ARRDC4: variants seen among roughly 807,000 people sequenced by gnomAD.
ARRDC4 encodes the protein arrestin domain containing 4, also known as arrestin domain-containing protein 4.
Under a neutral mutation model 44.6 loss-of-function variants are expected in ARRDC4, and 40 were observed. The ratio of observed to expected loss-of-function variants is 0.90; its 90% CI spans 0.70 to 1.17. The LOEUF is 1.17. Ranked by LOEUF, ARRDC4 falls within the 50% of genes most tolerant of loss-of-function variation. ARRDC4 has a pLI of 0.00. For synonymous variants in ARRDC4, 211 were observed against 221.2 expected (o/e 0.95, Z 0.41); for missense variants, 550 against 559.1 (o/e 0.98, Z 0.16).
At position 97,961,180 on chromosome 15, in the gene ARRDC4, C is replaced by T. The variant is rs755863961; in HGVS notation, c.307+12C>T. The T allele has an allele frequency of 1.7e-5, 24 of 1,398,346 alleles. No individual in the cohort carries two copies. The highest frequency in any genetic ancestry group is 2.2e-5 in the Non-Finnish European group (24 of 1,087,878). 86.6% of individuals were successfully genotyped at this position (1,398,346 alleles called of 1,614,324 possible). ...GGAGCCCCCGGCCGGTAAGCGCAGG[C>T]GAGCGCCTGGGGTTCCCCCGCCAGG... On this transcript the variant is annotated intron_variant, in intron 1 of 7. Coordinates refer to ENST00000268042, the MANE Select transcript of ARRDC4 (RefSeq NM_183376.3).
At position 97,961,058 on chromosome 15, in the gene ARRDC4, C is replaced by A. The variant is rs1436365617; in HGVS notation, c.197C>A (p.Ala66Asp). Reference sequence around the variant, plus strand: ...GAGGCCCAGGGGCGCGCCACCGCCGCCTGGGGCCCGAGCACCTGCCCCCGC... The same window carrying A: ...GAGGCCCAGGGGCGCGCCACCGCCGACTGGGGCCCGAGCACCTGCCCCCGC... ...RLEAQGRATA[A>D]WGPSTCPRAS... Residue 66 changes from alanine to aspartate, a missense_variant, in exon 1 of 8, where the codon GCC (alanine) becomes GAC (aspartate). Coordinates refer to ENST00000268042, the MANE Select transcript of ARRDC4 (RefSeq NM_183376.3). 7 of 1,429,288 alleles carry A rather than the reference C, an allele frequency of 4.9e-6. No individual in the cohort carries two copies. Among genetic ancestry groups the A allele is most frequent in the Non-Finnish European group, 6.4e-6 (7 of 1,096,790 alleles). 88.5% of individuals were successfully genotyped at this position (1,429,288 alleles called of 1,614,324 possible).
rs1451261248 is a variant in ARRDC4, at chr15:97,968,127, T to C, written c.625+11T>C. 5.4e-6 allele frequency: 8 copies of C among 1,488,820 alleles called. No individual in the cohort carries two copies. The highest frequency in any genetic ancestry group is 7.3e-6 in the Non-Finnish European group (8 of 1,099,632). The allele number at this position is 1,488,820 out of a possible 1,614,324, so 92.2% of individuals were successfully genotyped here. The stretch of plus-strand genomic sequence containing the variant: ...AGGGATACTGTAATGGTAAGCAAAA[T>C]GCTTGAAAGTCCAAATGAAAGATTT... On this transcript the variant is annotated intron_variant, in intron 4 of 7. Transcript: ENST00000268042. This position sits in a 1 kb window ranked among gnomAD's most constrained non-coding sequence, Gnocchi z 5.4.
At position 97,968,079 on chromosome 15, in the gene ARRDC4, G is replaced by A. The variant is rs768522440; in HGVS notation, c.588G>A (p.Ser196=). ...GGTTTTTCACTTCTGGTCCAGTCTC[G>A]CTGAGTGCCAAAATTGAAAGAAAGG... ...GCWFFTSGPV[S]LSAKIERKGY... Residue 196 remains serine (S), a synonymous_variant, in exon 4 of 8, where the codon TCG becomes TCA. Coordinates refer to ENST00000268042, the MANE Select transcript of ARRDC4 (RefSeq NM_183376.3). This position sits in a 1 kb window ranked among gnomAD's most constrained non-coding sequence, Gnocchi z 5.4. 25 of 1,602,318 alleles carry A rather than the reference G, an allele frequency of 1.6e-5. No individual in the cohort carries two copies. Among genetic ancestry groups the A allele is most frequent in the Non-Finnish European group, 2.0e-5 (23 of 1,174,136 alleles).
rs777881690 is a variant in ARRDC4 at position 97,960,851 on chromosome 15, C to A, written c.-11C>A. The A allele has an allele frequency of 2.2e-6, 3 of 1,338,260 alleles. No homozygotes were observed. Among genetic ancestry groups the A allele is most frequent in the Non-Finnish European group, 1.9e-6 (2 of 1,040,018 alleles). The allele number at this position is 1,338,260 out of a possible 1,614,324, so 82.9% of individuals were successfully genotyped here. ...GCCGACCTCAGGGGCAGGAAAGAGT[C>A]GCCCGGCGGGATGGGCGGGGAGGCT... is the stretch of plus-strand genomic sequence containing the variant. On this transcript the variant is annotated 5_prime_UTR_variant, in exon 1 of 8. Transcript: ENST00000268042.
chr15:97,963,534 C>G (rs1307488878), intron 1 of ARRDC4, among the ~76,000 whole-genome samples: 3 of 152,160 alleles, frequency 2.0e-5, no homozygotes, highest in South Asian at 2.1e-4. Flanking sequence ...GTGTTCCCCA[C>G]AAATGCCTGC....
chr15:97,963,814 G>A (rs1196299426), intron 1 of ARRDC4, among the ~76,000 whole-genome samples: 1 of 152,128 alleles, frequency 6.6e-6, no homozygotes, highest in African/African-American at 2.4e-5. Flanking sequence ...TAAATACTTC[G>A]TCATGTTCTG....
rs1899542188 is a variant in ARRDC4 at position 97,973,069 on chromosome 15, T to C, written c.*1882T>C. On this transcript the variant is annotated 3_prime_UTR_variant, in exon 8 of 8. Coordinates refer to ENST00000268042, the MANE Select transcript of ARRDC4 (RefSeq NM_183376.3). ...TAAACAGGTAATGTGTATTTAAGTG[T>C]TGTCTAAACAGTTGATTTTTACTTT... 6.6e-6 allele frequency: 1 copy of C among 152,258 alleles called. No individual in the cohort carries two copies. The highest frequency in any genetic ancestry group is 2.1e-4 in the South Asian group (1 of 4,838). 9.4% of individuals were successfully genotyped at this position (152,258 alleles called of 1,614,324 possible). A position where few individuals can be genotyped will look rare whatever the true frequency, so the allele number is the denominator to read the frequency against.
rs199684663 is a variant in ARRDC4 at position 97,970,073 on chromosome 15, C to G, written c.1045+28C>G. The G allele has an allele frequency of 2.0e-5, 32 of 1,594,470 alleles. No individual in the cohort carries two copies. Among genetic ancestry groups the G allele is most frequent in the African/African-American group, 5.4e-5 (4 of 74,488 alleles). On this transcript the variant is annotated intron_variant, in intron 6 of 7. Coordinates refer to ENST00000268042, the MANE Select transcript of ARRDC4 (RefSeq NM_183376.3). The surrounding 1 kb of genome is among the most constrained non-coding windows in gnomAD (Gnocchi z 4.2). ...AAAATATGTTGGCGTTCTTTCATAA[C>G]GAAGCTTTACCTAGAAAATACCTAG...
chr15:97,962,145 CATT>C (rs1231395667), intron 1 of ARRDC4, among the ~76,000 whole-genome samples: 1 of 152,158 alleles, frequency 6.6e-6, no homozygotes, highest in Non-Finnish European at 1.5e-5. Flanking sequence ...AGAGTAAACG[CATT>C]ATATCTATGT....
At position 97,969,165 on chromosome 15, in the gene ARRDC4, C is replaced by T; in HGVS notation, c.668C>T (p.Ser223Phe). The T allele has an allele frequency of 6.2e-7, 1 of 1,613,858 alleles. No individual in the cohort carries two copies. The highest frequency in any genetic ancestry group is 1.1e-5 in the South Asian group (1 of 91,084). Residue 223 changes from serine to phenylalanine, a missense_variant, in exon 5 of 8, where the codon TCT becomes TTT. Physicochemically the swap from Ser to Phe is radical, Grantham distance 155 (BLOSUM62 -2). Coordinates refer to ENST00000268042, the MANE Select transcript of ARRDC4 (RefSeq NM_183376.3). The part of the protein sequence containing the change: ...PIYAEIENCS[S>F]RLIVPKAAIF... ...TATGCAGAAATAGAAAATTGTTCCTCTCGTCTGATTGTTCCAAAGGCTGCT... is the reference window on the plus strand; with the variant it reads ...TATGCAGAAATAGAAAATTGTTCCTTTCGTCTGATTGTTCCAAAGGCTGCT...
At chr15:97,962,094 A>G (rs1159394874) in intron 1 of ARRDC4, among the ~76,000 whole-genome samples, 1 of 152,184 alleles carries the variant, frequency 6.6e-6, no homozygotes, top group African/African-American at 2.4e-5. Flanking sequence ...ATGAGCTTTT[A>G]TCTATCAAAT....
chr15:97,967,724 A>T lies in ARRDC4; in HGVS notation c.523-290A>T, dbSNP rs1027088931. Among the ~76,000 whole-genome samples, 11 of 151,946 alleles carry T rather than the reference A, an allele frequency of 7.2e-5. No homozygotes were observed. The highest frequency in any genetic ancestry group is 1.3e-4 in the Non-Finnish European group (9 of 67,984). Reference sequence around the variant, plus strand: ...TAATACAGCTTTTGATTTTTTTTTAAAAAAATGGTATATTATTTCCTGGAA... The same window carrying T: ...TAATACAGCTTTTGATTTTTTTTTATAAAAATGGTATATTATTTCCTGGAA... On this transcript the variant is annotated intron_variant, in intron 3 of 7. Transcript: ENST00000268042. This position sits in a 1 kb window ranked among gnomAD's most constrained non-coding sequence, Gnocchi z 5.0.
chr15:97,967,822 C>T lies in ARRDC4; in HGVS notation c.523-192C>T, dbSNP rs1899443046. ...AATCTGAAAATTCACTGTAGTTTTC[C>T]TAAAAGGGGAGTCTTAACACCCTGT... On this transcript the variant is annotated intron_variant, in intron 3 of 7. Transcript: ENST00000268042. This position sits in a 1 kb window ranked among gnomAD's most constrained non-coding sequence, Gnocchi z 5.0. 6.6e-6 allele frequency among the ~76,000 whole-genome samples: 1 copy of T among 151,778 alleles called. No homozygotes were observed.
rs1338786947 is a variant in ARRDC4 at position 97,973,779 on chromosome 15, T to C, written c.*2592T>C. ...TAACCCACAGGAAAAAAAATTACTT[T>C]GTATGCTTGTTTGAACCCTATGGGT... On this transcript the variant is annotated 3_prime_UTR_variant, in exon 8 of 8. Transcript: ENST00000268042. 6.6e-6 allele frequency: 1 copy of C among 152,506 alleles called. No individual in the cohort carries two copies. The highest frequency in any genetic ancestry group is 1.5e-5 in the Non-Finnish European group (1 of 68,006). 9.4% of individuals were successfully genotyped at this position (152,506 alleles called of 1,614,324 possible).
At chr15:97,962,684 A>C (rs1404504619) in intron 1 of ARRDC4, among the ~76,000 whole-genome samples, 1 of 152,210 alleles carries the variant, frequency 6.6e-6, no homozygotes, top group Non-Finnish European at 1.5e-5. Context: ...TGAAAATCTT[A>C]AACTTGTTTT....
rs1899299384 is a variant in ARRDC4 at position 97,960,933 on chromosome 15, C to G, written c.72C>G (p.Phe24Leu). The G allele has an allele frequency of 4.1e-6, 6 of 1,465,288 alleles. No homozygotes were observed. The highest frequency in any genetic ancestry group is 4.8e-5 in the Admixed American group (2 of 41,742). 90.8% of individuals were successfully genotyped at this position (1,465,288 alleles called of 1,614,324 possible). ...EGRVKSLGLV[F>L]EDERKGCYSS... The stretch of plus-strand genomic sequence containing the variant: ...GCGTGAAGAGCCTGGGTCTGGTGTT[C>G]GAGGACGAGCGCAAGGGCTGCTATT... Residue 24 changes from phenylalanine (F) to leucine (L), a missense_variant, in exon 1 of 8, where the codon TTC becomes TTG. Phe to Leu is a conservative substitution (Grantham distance 22). Coordinates refer to ENST00000268042, the MANE Select transcript of ARRDC4 (RefSeq NM_183376.3).
rs919980152 is a variant in ARRDC4 at position 97,972,995 on chromosome 15, C to T, written c.*1808C>T. 3.3e-5 allele frequency: 5 copies of T among 152,450 alleles called. No homozygotes were observed. The East Asian group carries it at 7.7e-4, about 23-fold the overall frequency. 9.4% of individuals were successfully genotyped at this position (152,450 alleles called of 1,614,324 possible). ...TTGTGCTACTGAAATTGTCACAAAA[C>T]GTTATTCCTTGATTTGGTTTTTAAA... On this transcript the variant is annotated 3_prime_UTR_variant, in exon 8 of 8. Transcript: ENST00000268042. The surrounding 1 kb of genome is among the most constrained non-coding windows in gnomAD (Gnocchi z 5.3).
In ARRDC4 at chr15:97,968,109, C is replaced by T. The variant is rs1348421376; in HGVS notation, c.618C>T (p.Tyr206=). Residue 206 remains tyrosine, a synonymous_variant, in exon 4 of 8, where the codon TAC becomes TAT. Coordinates refer to ENST00000268042, the MANE Select transcript of ARRDC4 (RefSeq NM_183376.3). This position sits in a 1 kb window ranked among gnomAD's most constrained non-coding sequence, Gnocchi z 5.4. ...GTGCCAAAATTGAAAGAAAGGGATA[C>T]TGTAATGGTAAGCAAAATGCTTGAA... ...SLSAKIERKG[Y]CNGEAIPIYA... 1.3e-6 allele frequency: 2 copies of T among 1,572,552 alleles called. No homozygotes were observed. Among genetic ancestry groups the T allele is most frequent in the Non-Finnish European group, 8.6e-7 (1 of 1,160,430 alleles).
chr15:97,964,438 TGAAAG>T (rs1382598697), intron 1 of ARRDC4, among the ~76,000 whole-genome samples: 1 of 152,182 alleles, frequency 6.6e-6, no homozygotes, highest in Non-Finnish European at 1.5e-5. Context: ...GAGCATGAAA[TGAAAG>T]GACAGTGTAT....
Sources: allele counts gnomAD v4.1 joint callset (sites outside exome capture counted in the v4.1 genomes callset), GRCh38; gene constraint gnomAD v4.1.1; non-coding constraint Gnocchi (gnomAD v3.1); transcripts MANE v1.5; gene names NCBI Gene and HGNC (gene_info 2026-07-23, HGNC 2026-07-21).